The following TMCO4 variants were observed in gnomAD, a reference collection of about 807,000 sequenced individuals.
TMCO4 encodes the protein transmembrane and coiled-coil domain-containing protein 4.
A neutral mutation model predicts 64.7 loss-of-function variants in TMCO4; 58 were observed. The ratio of observed to expected loss-of-function variants is 0.90; its 90% CI spans 0.73 to 1.12. TMCO4 has a LOEUF of 1.12. TMCO4 is among the 50% of genes most tolerant of loss of function. The pLI is 0.00. For missense variants in TMCO4, 780 were observed against 825.9 expected (o/e 0.94, Z 0.68); for synonymous variants, 325 against 346.1 (o/e 0.94, Z 0.68).
chr1:19,745,657 G>T lies in TMCO4; in HGVS notation c.758-6C>A. On this transcript the variant is annotated splice_polypyrimidine_tract_variant and splice_region_variant and intron_variant, in intron 9 of 15. Coordinates refer to ENST00000294543, the MANE Select transcript of TMCO4 (RefSeq NM_181719.7). ...TCGCTTCTTCATCTTGTATCCTAAA[G>T]ACCCAGATCCGAGAAAGAGAATGGA... The T allele has an allele frequency of 6.2e-7, 1 of 1,602,526 alleles. No individual in the cohort carries two copies. The highest frequency in any genetic ancestry group is 8.5e-7 in the Non-Finnish European group (1 of 1,172,580).
In TMCO4 at chr1:19,734,375, T is replaced by A. The variant is rs1450877674; in HGVS notation, c.1264+2997A>T. ...GTGTGCAGATGCGTGTATGAATGTG[T>A]GCAGGTGTGTGTGTGAGTGTGCATA... On this transcript the variant is annotated intron_variant, in intron 13 of 15. Transcript: ENST00000294543. This position sits in a 1 kb window ranked among gnomAD's most constrained non-coding sequence, Gnocchi z 4.4. Among the ~76,000 whole-genome samples, 1 of 152,106 alleles carries A rather than the reference T, an allele frequency of 6.6e-6. No homozygotes were observed. The highest frequency in any genetic ancestry group is 1.5e-5 in the Non-Finnish European group (1 of 68,018).
At chr1:19,692,032 T>C (rs1315502659) in intron 15 of TMCO4, among the ~76,000 whole-genome samples, 1 of 152,198 alleles carries the variant, frequency 6.6e-6, no homozygotes, top group Admixed American at 6.5e-5. Context: ...ATTGAGTCCA[T>C]TAAACCTCTT....
At chr1:19,703,392 C>T (rs867808379) in intron 13 of TMCO4, among the ~76,000 whole-genome samples, 12 of 152,076 alleles carry the variant, frequency 7.9e-5, no homozygotes, top group African/African-American at 2.7e-4. Flanking sequence ...TAGCCCCCTG[C>T]CTCCCCCTTG....
intron 13 of TMCO4, among the ~76,000 whole-genome samples, chr1:19,701,958 G>C (rs1435300618): frequency 6.6e-6 from 1 of 152,012 alleles, no homozygotes; most frequent in Admixed American, 6.6e-5. Flanking sequence ...AACATAGTGA[G>C]ACCCTTGTCT....
At chr1:19,719,993 A>G (rs2100732395) in intron 13 of TMCO4, among the ~76,000 whole-genome samples, 1 of 148,572 alleles carries the variant, frequency 6.7e-6, no homozygotes, top group East Asian at 2.0e-4. Context: ...TTCCTTCTCA[A>G]AAAGGAAAAT....
chr1:19,794,288 T>C (rs2044198849), intron 2 of TMCO4, among the ~76,000 whole-genome samples: 1 of 152,192 alleles, frequency 6.6e-6, no homozygotes, highest in Non-Finnish European at 1.5e-5. Flanking sequence ...ACCCAGCTGC[T>C]CCACTTTGTC....
intron 6 of TMCO4, among the ~76,000 whole-genome samples, chr1:19,766,905 G>T (rs2042760341): frequency 6.6e-6 from 1 of 152,094 alleles, no homozygotes; most frequent in Admixed American, 6.5e-5. Context: ...GTGATTTGAG[G>T]GTCTACCTAC....
chr1:19,725,859 A>G (rs2095406580), intron 13 of TMCO4, among the ~76,000 whole-genome samples: 1 of 152,214 alleles, frequency 6.6e-6, no homozygotes, highest in Non-Finnish European at 1.5e-5. Flanking sequence ...CGGGCCGAGC[A>G]CAGCGTGGTC....
At chr1:19,749,634 C>A (rs137941041) in intron 7 of TMCO4, among the ~76,000 whole-genome samples, 428 of 152,296 alleles carry the variant, frequency 2.8e-3, no homozygotes, top group African/African-American at 9.7e-3. Context: ...TCCCAAAGTG[C>A]TGGGACTACA....
chr1:19,741,099 G>A (rs1291264117), intron 10 of TMCO4, among the ~76,000 whole-genome samples, 158 bp from the exon 11 acceptor site: 1 of 152,216 alleles, frequency 6.6e-6, no homozygotes, highest in Non-Finnish European at 1.5e-5. Flanking sequence ...AGAGCTAGCG[G>A]AGCTCTGTGC....
chr1:19,727,850 T>C (rs936959174), intron 13 of TMCO4, among the ~76,000 whole-genome samples: 1 of 152,198 alleles, frequency 6.6e-6, no homozygotes, highest in African/African-American at 2.4e-5. Context: ...GTGGTACATA[T>C]ATACCATGGA....
intron 13 of TMCO4, among the ~76,000 whole-genome samples, chr1:19,718,451 G>T (rs1041826351): frequency 1.3e-4 from 19 of 151,858 alleles, no homozygotes; most frequent in African/African-American, 4.6e-4. Context: ...CCAGGAGTTT[G>T]AGACTAGCCT....
chr1:19,746,941 A>G (rs951840768), intron 8 of TMCO4, among the ~76,000 whole-genome samples: 1 of 150,986 alleles, frequency 6.6e-6, no homozygotes, highest in Admixed American at 6.6e-5. Context: ...AAAAAAAAAA[A>G]AAAACGTGGC....
intron 2 of TMCO4, among the ~76,000 whole-genome samples, chr1:19,790,201 A>G (rs924371963): frequency 3.7e-4 from 56 of 152,260 alleles, no homozygotes; most frequent in Admixed American, 2.0e-4. Context: ...TTAAAACCTA[A>G]AACTATAAAA....
rs1557545894 is a variant in TMCO4, at chr1:19,740,925, CG to C, written c.893del (p.Pro298ArgfsTer21). On this transcript the variant is annotated frameshift_variant, in exon 11 of 16. Coordinates refer to ENST00000294543, the MANE Select transcript of TMCO4 (RefSeq NM_181719.7). LOFTEE classifies it high-confidence loss of function. Reference protein sequence around the residue: ...ASGKYRTFSAPWAALAHSREQ... With the variant: ...ASGKYRTFSAXWAALAHSREQ... ...CACGGCTGTGGGCCAGGGCAGCCCA[CG>C]GGGCACTGAAGGTGCCTGGGGAGAT... 1 of 1,611,312 alleles carries C rather than the reference CG, an allele frequency of 6.2e-7. No homozygotes were observed. Among genetic ancestry groups the C allele is most frequent in the Non-Finnish European group, 8.5e-7 (1 of 1,178,824 alleles).
intron 13 of TMCO4, among the ~76,000 whole-genome samples, chr1:19,730,762 G>T (rs1030402727): frequency 6.6e-6 from 1 of 152,178 alleles, no homozygotes; most frequent in Non-Finnish European, 1.5e-5. Context: ...GGGAAGGAAT[G>T]ACAAGTTTTG....
intron 10 of TMCO4, among the ~76,000 whole-genome samples, chr1:19,742,723 C>T (rs2095485134): frequency 6.6e-6 from 1 of 152,150 alleles, no homozygotes; most frequent in South Asian, 2.1e-4. Flanking sequence ...CCCTTGGTTT[C>T]CACATTTGTA....
At chr1:19,708,975 C>T (rs779932329) in intron 13 of TMCO4, among the ~76,000 whole-genome samples, 3 of 152,262 alleles carry the variant, frequency 2.0e-5, no homozygotes, top group Middle Eastern at 3.4e-3. Context: ...GAAGGAAACA[C>T]TATGAACTGC....
At chr1:19,686,682 G>A (rs1557444741) in intron 15 of TMCO4, among the ~76,000 whole-genome samples, 1 of 152,154 alleles carries the variant, frequency 6.6e-6, no homozygotes, top group African/African-American at 2.4e-5. Context: ...TCTGCAGCAG[G>A]ACACATATTT....
Sources: gnomAD v4.1 joint callset for allele counts (sites outside exome capture counted in the v4.1 genomes callset) on GRCh38, gnomAD v4.1.1 for gene constraint, Gnocchi (gnomAD v3.1) non-coding constraint, MANE v1.5 for transcripts, NCBI Gene and HGNC (gene_info 2026-07-23, HGNC 2026-07-21) for gene names.